The following POLR3B variants were observed in gnomAD, a reference collection of about 807,000 sequenced individuals.
The protein encoded by POLR3B is RNA polymerase III subunit B.
Under a neutral mutation model 147.4 loss-of-function variants are expected in POLR3B, and 96 were observed. The observed-to-expected ratio is 0.65, with a 90% CI of 0.55 to 0.77. POLR3B has a LOEUF of 0.77. POLR3B is among the 30% of genes least tolerant of loss of function. POLR3B has a pLI of 0.00. For missense variants in POLR3B, 1,036 were observed against 1,413.5 expected, an observed-to-expected ratio of 0.73 and a Z score of 4.28; for synonymous variants, 461 against 485.9, an observed-to-expected ratio of 0.95 and a Z score of 0.67.
intron 10 of POLR3B, among the ~76,000 whole-genome samples, chr12:106,402,942 A>C (rs2037091028): frequency 6.6e-6 from 1 of 152,222 alleles, no homozygotes. Flanking sequence ...TGGCAACAAC[A>C]GCCAAAATTG....
chr12:106,371,123 G>A (rs2036600808), intron 6 of POLR3B, among the ~76,000 whole-genome samples: 1 of 152,086 alleles, frequency 6.6e-6, no homozygotes, highest in African/African-American at 2.4e-5. Context: ...GCATGAGTGG[G>A]CGAAGGACAT....
chr12:106,389,690 C>T (rs1371032446), intron 9 of POLR3B, among the ~76,000 whole-genome samples: 1 of 151,960 alleles, frequency 6.6e-6, no homozygotes, highest in Non-Finnish European at 1.5e-5. Flanking sequence ...CTGAAATGCT[C>T]TAATGAGTAT....
intron 10 of POLR3B, among the ~76,000 whole-genome samples, chr12:106,402,364 T>C (rs2136927432): frequency 6.6e-6 from 1 of 152,096 alleles, no homozygotes; most frequent in African/African-American, 2.4e-5. Flanking sequence ...AGAATCAATA[T>C]CGTGAAAATG....
At chr12:106,443,523 CT>C (rs71072678) in intron 18 of POLR3B, among the ~76,000 whole-genome samples, 54 of 146,674 alleles carry the variant, frequency 3.7e-4, no homozygotes, top group Non-Finnish European at 4.5e-4. Context: ...AGTAACTATT[CT>C]TTTTTTTTTT....
intron 23 of POLR3B, among the ~76,000 whole-genome samples, chr12:106,494,851 T>C (rs1405246868): frequency 6.6e-6 from 1 of 152,222 alleles, no homozygotes; most frequent in Non-Finnish European, 1.5e-5. Flanking sequence ...ACAATATCCA[T>C]ATTGTTGTCA....
rs552412004 is a variant in POLR3B, at chr12:106,457,277, A to C, written c.2433A>C (p.Ala811=). Residue 811 remains alanine (A), a synonymous_variant, in exon 21 of 28, where the codon GCA becomes GCC. Transcript: ENST00000228347. ...TCTGGCGACATGAAATCTTAGATGC[A>C]GATGGTATTTGTTCTCCAGGTAAAA... ...KPIWRHEILD[A]DGICSPGEKV... is the part of the protein sequence containing the mutation. The C allele has an allele frequency of 3.1e-6, 5 of 1,613,726 alleles. No individual in the cohort carries two copies. In the African/African-American group the frequency reaches 4.0e-5, roughly 13 times the overall value.
At chr12:106,451,625 A>G (rs957768480) in intron 19 of POLR3B, among the ~76,000 whole-genome samples, 8 of 104,800 alleles carry the variant, frequency 7.6e-5, no homozygotes, top group African/African-American at 3.7e-4. Context: ...CTGTTATTTA[A>G]AAAAAGGCGG....
chr12:106,462,063 C>T (rs2037944982), intron 22 of POLR3B, among the ~76,000 whole-genome samples: 1 of 152,174 alleles, frequency 6.6e-6, no homozygotes, highest in Admixed American at 6.5e-5. Flanking sequence ...AACCTGACTC[C>T]TTTCCTTTAC....
intron 12 of POLR3B, among the ~76,000 whole-genome samples, chr12:106,425,856 A>G (rs2037427446): frequency 6.6e-6 from 1 of 152,168 alleles, no homozygotes; most frequent in African/African-American, 2.4e-5. Flanking sequence ...TCTAAACAAT[A>G]TAATGTAGTT....
chr12:106,454,514 A>G lies in POLR3B; in HGVS notation c.2096A>G (p.Tyr699Cys), dbSNP rs2037839403. 2 of 1,571,762 alleles carry G rather than the reference A, an allele frequency of 1.3e-6. No homozygotes were observed. Among genetic ancestry groups the G allele is most frequent in the Middle Eastern group, 1.7e-4 (1 of 5,940 alleles). ...MGKQAMGTIG[Y>C]NQRNRIDTLM... ...CATATCAATGCAGGTACTATAGGAT[A>G]CAACCAGCGAAACAGAATTGATACT... The change falls in exon 20 of 28, where the codon TAC becomes TGC. Residue 699 changes from tyrosine to cysteine, a missense_variant. Coordinates refer to ENST00000228347, the MANE Select transcript of POLR3B (RefSeq NM_018082.6).
At chr12:106,415,149 AGT>A (rs2037284594) in intron 12 of POLR3B, among the ~76,000 whole-genome samples, 1 of 152,160 alleles carries the variant, frequency 6.6e-6, no homozygotes, top group Admixed American at 6.5e-5. Context: ...CCTCCTAACA[AGT>A]GTCTCTGTTC....
intron 26 of POLR3B, among the ~76,000 whole-genome samples, chr12:106,503,449 C>A (rs2038634426): frequency 6.6e-6 from 1 of 152,104 alleles, no homozygotes; most frequent in African/African-American, 2.4e-5. Flanking sequence ...TTTTTTCCCC[C>A]CAAATAATTT....
intron 25 of POLR3B, among the ~76,000 whole-genome samples, chr12:106,497,179 A>G (rs1434181664): frequency 4.1e-5 from 6 of 148,108 alleles, no homozygotes; most frequent in African/African-American, 1.5e-4. Flanking sequence ...GTGTTAGCGT[A>G]TTTTATGTGT....
At chr12:106,401,389 A>G (rs572897499) in intron 10 of POLR3B, among the ~76,000 whole-genome samples, 1 of 152,356 alleles carries the variant, frequency 6.6e-6, no homozygotes, top group South Asian at 2.1e-4. Flanking sequence ...AGGTACAAGG[A>G]GGAGCTGGTA....
chr12:106,477,891 C>CCCTTT (rs1565909279), intron 23 of POLR3B, among the ~76,000 whole-genome samples: 1 of 70,478 alleles, frequency 1.4e-5, no homozygotes, highest in Non-Finnish European at 2.5e-5. Context: ...GGCTCCTCCC[C>CCCTTT]TTTTTTTTTT....
chr12:106,437,701 A>C lies in POLR3B; in HGVS notation c.1877A>C (p.His626Pro), dbSNP rs998404430. The change falls in exon 18 of 28, where the codon CAT becomes CCT. Residue 626 changes from histidine (H) to proline (P), a missense_variant. His to Pro is a moderately conservative substitution (Grantham distance 77, BLOSUM62 -2). Around this residue, in one of 12 missense-constraint regions of POLR3B, gnomAD observed 177 missense variants for 232.7 expected, o/e 0.76. Coordinates refer to ENST00000228347, the MANE Select transcript of POLR3B (RefSeq NM_018082.6). ...CCCAGGAATTTTGAAGATTTCTTACATGAGAGTCTGGTTGAATATTTAGAT... is the reference window on the plus strand; with the variant it reads ...CCCAGGAATTTTGAAGATTTCTTACCTGAGAGTCTGGTTGAATATTTAGAT... ...QGYRNFEDFLHESLVEYLDVN... is the reference protein window; with the variant it reads ...QGYRNFEDFLPESLVEYLDVN... The C allele has an allele frequency of 6.3e-7, 1 of 1,598,130 alleles. No homozygotes were observed. The highest frequency in any genetic ancestry group is 1.1e-5 in the South Asian group (1 of 90,734).
At chr12:106,443,727 G>C (rs2037685021) in intron 18 of POLR3B, among the ~76,000 whole-genome samples, 1 of 152,096 alleles carries the variant, frequency 6.6e-6, no homozygotes, top group Admixed American at 6.6e-5. Context: ...CACTGTGTTG[G>C]CTAGGCTGGT....
At chr12:106,395,785 C>G (rs1341786422) in intron 10 of POLR3B, among the ~76,000 whole-genome samples, 3 of 151,988 alleles carry the variant, frequency 2.0e-5, no homozygotes, top group African/African-American at 7.3e-5. Flanking sequence ...GCCTGGCCAA[C>G]ATGGTGAAAC....
intron 23 of POLR3B, among the ~76,000 whole-genome samples, chr12:106,495,090 A>G (rs979093987): frequency 1.3e-5 from 2 of 152,206 alleles, no homozygotes; most frequent in South Asian, 2.1e-4. Flanking sequence ...TTTACTACCA[A>G]TGTAAAAGTG....
Sources: allele counts gnomAD v4.1 joint callset (sites outside exome capture counted in the v4.1 genomes callset), GRCh38; gene constraint gnomAD v4.1.1; regional missense constraint gnomAD v4.1.1; transcripts MANE v1.5; gene names NCBI Gene and HGNC (gene_info 2026-07-23, HGNC 2026-07-21).